The following GDF6 variants were observed in gnomAD, a reference collection of about 807,000 sequenced individuals.
GDF6 encodes growth differentiation factor 6.
A neutral mutation model predicts 32.4 loss-of-function variants in GDF6; 3 were observed. That is an observed-to-expected ratio of 0.09 (90% CI 0.04 to 0.24). The LOEUF (loss-of-function observed/expected upper bound fraction) is 0.24. Among genes scored for constraint, GDF6 ranks in the 10% least tolerant of loss-of-function variants. The pLI is 1.00. For synonymous variants in GDF6, 296 were observed against 295.3 expected, an observed-to-expected ratio of 1.00 and a Z score of -0.03; for missense variants, 589 against 637.9, an observed-to-expected ratio of 0.92 and a Z score of 0.83.
At chr8:96,157,507 C>T (rs567009035) in intron 1 of GDF6, among the ~76,000 whole-genome samples, 502 of 152,270 alleles carry the variant, frequency 3.3e-3, no homozygotes, top group Middle Eastern at 0.01. Context: ...GGACCCCCGG[C>T]TCCACCGAGC....
intron 1 of GDF6, among the ~76,000 whole-genome samples, chr8:96,158,921 G>A (rs1295460527): frequency 1.3e-5 from 2 of 151,886 alleles, no homozygotes; most frequent in Non-Finnish European, 2.9e-5. Flanking sequence ...CTGCAGCGGC[G>A]AGACCCTCGA....
chr8:96,147,183 C>G (rs1812500680), intron 1 of GDF6, among the ~76,000 whole-genome samples: 1 of 151,630 alleles, frequency 6.6e-6, no homozygotes. Flanking sequence ...CCAGTTTGTA[C>G]TCGGGGCTGA....
rs116293517 is a variant in GDF6 at position 96,151,252 on chromosome 8, A to G, written c.407-5728T>C. ...TCCAGGGTGCTTTTTCTTAACCCCA[A>G]TACTCATGCCTGATCCCCCAGCATA... On this transcript the variant is annotated intron_variant, in intron 1 of 1. Coordinates refer to ENST00000287020, the MANE Select transcript of GDF6 (RefSeq NM_001001557.4). Among the ~76,000 whole-genome samples, 1,448 of 152,304 alleles carry G rather than the reference A, an allele frequency of 9.5e-3. 15 individuals are homozygous for G. The highest frequency in any genetic ancestry group is 0.032 in the African/African-American group (1,330 of 41,556).
intron 1 of GDF6, among the ~76,000 whole-genome samples, chr8:96,158,168 C>G (rs1812700562): frequency 1.3e-5 from 2 of 152,320 alleles, no homozygotes; most frequent in South Asian, 2.1e-4. Context: ...CAGCCCTCCA[C>G]CGCATTCCGG....
At chr8:96,149,859 C>A (rs549801805) in intron 1 of GDF6, among the ~76,000 whole-genome samples, 1 of 150,992 alleles carries the variant, frequency 6.6e-6, no homozygotes, top group South Asian at 2.1e-4. Flanking sequence ...GCCAGACGCC[C>A]GGGGAACCTG....
intron 1 of GDF6, among the ~76,000 whole-genome samples, chr8:96,146,339 CTT>C (rs33978005): frequency 0.054 from 7,843 of 146,338 alleles, 295 homozygotes; most frequent in African/African-American, 0.11. Flanking sequence ...TTATTGTTTG[CTT>C]TTTTTTTTTT....
At chr8:96,146,121 T>A (rs935185444) in intron 1 of GDF6, among the ~76,000 whole-genome samples, 2 of 152,188 alleles carry the variant, frequency 1.3e-5, no homozygotes, top group African/African-American at 4.8e-5. Context: ...GCTAGGCCGA[T>A]GTCATTGTCC....
At position 96,143,129 on chromosome 8, in the gene GDF6, ACC is replaced by A. The variant is rs1225534102; in HGVS notation, c.*1432_*1433del. ...AGCTTCCTCCCAGAAGACGAATTCC[ACC>A]CCTGTCTCCTTCCTCACTGCCTGTT... On this transcript the variant is annotated 3_prime_UTR_variant, in exon 2 of 2. Transcript: ENST00000287020. 1 of 151,476 alleles carries A rather than the reference ACC, an allele frequency of 6.6e-6. No homozygotes were observed. The highest frequency in any genetic ancestry group is 1.5e-5 in the Non-Finnish European group (1 of 67,906). The allele number at this position is 151,476 out of a possible 1,614,324, so 9.4% of individuals were successfully genotyped here. A position where few individuals can be genotyped will look rare whatever the true frequency, so the allele number is the denominator to read the frequency against.
At chr8:96,149,832 T>A (rs1028655531) in intron 1 of GDF6, among the ~76,000 whole-genome samples, 8 of 152,034 alleles carry the variant, frequency 5.3e-5, no homozygotes, top group African/African-American at 1.9e-4. Flanking sequence ...AAGGAAAAGA[T>A]GCCCGCAACG....
At chr8:96,151,995 T>C (rs1374348525) in intron 1 of GDF6, among the ~76,000 whole-genome samples, 1 of 152,232 alleles carries the variant, frequency 6.6e-6, no homozygotes, top group Admixed American at 6.5e-5. Flanking sequence ...CCAATATTTC[T>C]GTGACTACTT....
chr8:96,154,592 C>T (rs948128046), intron 1 of GDF6, among the ~76,000 whole-genome samples: 9 of 152,138 alleles, frequency 5.9e-5, no homozygotes, highest in Non-Finnish European at 1.3e-4. Context: ...CTCGAGGGCT[C>T]GGCTCGATTC....
chr8:96,159,866 C>T (rs553854472), intron 1 of GDF6, among the ~76,000 whole-genome samples: 1 of 152,346 alleles, frequency 6.6e-6, no homozygotes, highest in East Asian at 1.9e-4. Context: ...GTCTCATGCC[C>T]TAGATCTGCC....
intron 1 of GDF6, among the ~76,000 whole-genome samples, chr8:96,159,551 C>A (rs1012731561): frequency 6.6e-6 from 1 of 152,196 alleles, no homozygotes; most frequent in Non-Finnish European, 1.5e-5. Context: ...ACCCATGTAC[C>A]TTTGTGTATT....
chr8:96,153,810 C>T (rs1812611759), intron 1 of GDF6, among the ~76,000 whole-genome samples: 1 of 152,096 alleles, frequency 6.6e-6, no homozygotes, highest in African/African-American at 2.4e-5. Flanking sequence ...GGGTCCTGCG[C>T]AGGAGAAACC....
Position 96,144,516 on chromosome 8 carries a change from A to C in GDF6, c.*47T>G. The C allele has an allele frequency of 6.2e-7, 1 of 1,602,658 alleles. No homozygotes were observed. The highest frequency in any genetic ancestry group is 8.5e-7 in the Non-Finnish European group (1 of 1,175,140). On this transcript the variant is annotated 3_prime_UTR_variant, in exon 2 of 2. Coordinates refer to ENST00000287020, the MANE Select transcript of GDF6 (RefSeq NM_001001557.4). This position sits in a 1 kb window ranked among gnomAD's most constrained non-coding sequence, Gnocchi z 5.1. ...CAGCCAGGCCTCCCCTGCAAGGCGG[A>C]CCTTGGCCCACCTTGGTTCCGGGCC...
intron 1 of GDF6, among the ~76,000 whole-genome samples, chr8:96,147,228 C>A (rs1448876373): frequency 6.6e-6 from 1 of 152,280 alleles, no homozygotes; most frequent in South Asian, 2.1e-4. Context: ...TACGCACATG[C>A]CCCAACCTGA....
chr8:96,144,892 C>G lies in GDF6; in HGVS notation c.1039G>C (p.Gly347Arg), dbSNP rs761440103. The change falls in exon 2 of 2, where the codon GGC (glycine) becomes CGC (arginine). Residue 347 changes from glycine to arginine, a missense_variant. Physicochemically the swap from Gly to Arg is moderately radical, Grantham distance 125. Around this residue, in one of 2 missense-constraint regions of GDF6, gnomAD observed 153 missense variants for 226.7 expected, o/e 0.67. Coordinates refer to ENST00000287020, the MANE Select transcript of GDF6 (RefSeq NM_001001557.4). This position sits in a 1 kb window ranked among gnomAD's most constrained non-coding sequence, Gnocchi z 5.1. ...CTGCAGCGTAGCCTGGACTTCTTGC[C>G]GTGCCGCTTGCCATGGCGACTGGCG... ...AFASRHGKRH[G>R]KKSRLRCSKK... 6 of 1,613,012 alleles carry G rather than the reference C, an allele frequency of 3.7e-6. No individual in the cohort carries two copies. Among genetic ancestry groups the G allele is most frequent in the Non-Finnish European group, 5.1e-6 (6 of 1,179,664 alleles).
At chr8:96,154,953 G>T (rs1812634725) in intron 1 of GDF6, among the ~76,000 whole-genome samples, 1 of 152,212 alleles carries the variant, frequency 6.6e-6, no homozygotes, top group African/African-American at 2.4e-5. Flanking sequence ...GTTCCCCGCG[G>T]GTCCAGGTGA....
chr8:96,154,734 C>T (rs1167868517), intron 1 of GDF6, among the ~76,000 whole-genome samples: 1 of 152,184 alleles, frequency 6.6e-6, no homozygotes, highest in Non-Finnish European at 1.5e-5. Context: ...CTTTGGTGCA[C>T]GCAGTAGTCC....
Sources: allele counts gnomAD v4.1 joint callset (sites outside exome capture counted in the v4.1 genomes callset), GRCh38; gene constraint gnomAD v4.1.1; regional missense constraint gnomAD v4.1.1; non-coding constraint Gnocchi (gnomAD v3.1); transcripts MANE v1.5; gene names NCBI Gene and HGNC (gene_info 2026-07-23, HGNC 2026-07-21).